The following ENTHD1 variants were observed in gnomAD, a reference collection of about 807,000 sequenced individuals.
ENTHD1 encodes the protein ENTH domain containing 1, also known as ENTH domain-containing protein 1.
A neutral mutation model predicts 39.1 loss-of-function variants in ENTHD1; 23 were observed. The observed-to-expected ratio is 0.59, with a 90% confidence interval of 0.42 to 0.83. The LOEUF is 0.83. Ranked by LOEUF, ENTHD1 falls within the 40% of genes least tolerant of loss-of-function variation. The pLI, the probability that ENTHD1 is intolerant of heterozygous loss-of-function variation, is 0.00. For synonymous variants in ENTHD1, 230 were observed against 258.2 expected, an observed-to-expected ratio of 0.89 and a Z score of 1.05; for missense variants, 624 against 705.4, an observed-to-expected ratio of 0.88 and a Z score of 1.31.
intron 2 of ENTHD1, among the ~76,000 whole-genome samples, chr22:39,886,230 AG>A (rs1165232958): frequency 6.6e-6 from 1 of 152,194 alleles, no homozygotes; most frequent in Non-Finnish European, 1.5e-5. Context: ...GATGATAAAA[AG>A]ACCAGTGGTA....
chr22:39,865,436 A>G (rs969589248), intron 2 of ENTHD1, among the ~76,000 whole-genome samples: 2 of 152,190 alleles, frequency 1.3e-5, no homozygotes, highest in African/African-American at 4.8e-5. Flanking sequence ...GAGAAAATCT[A>G]AGAAGAACGT....
chr22:39,863,335 A>G (rs2066159139), intron 2 of ENTHD1, among the ~76,000 whole-genome samples: 2 of 152,202 alleles, frequency 1.3e-5, no homozygotes, highest in African/African-American at 4.8e-5. Context: ...TCTCTGACGT[A>G]ACATCCTATC....
chr22:39,820,343 T>TGAAA (rs2065773414), intron 5 of ENTHD1, among the ~76,000 whole-genome samples: 1 of 152,180 alleles, frequency 6.6e-6, no homozygotes, highest in Admixed American at 6.5e-5. Flanking sequence ...TATAAGGTGA[T>TGAAA]GAAAGATACT....
In ENTHD1 at chr22:39,868,348, A is replaced by AT. The variant is rs1464748626; in HGVS notation, c.350-6342dup. 3.6e-5 allele frequency among the ~76,000 whole-genome samples: 5 copies of AT among 140,584 alleles called. No homozygotes were observed. In the South Asian group the frequency reaches 7.3e-4, roughly 21 times the overall value. 92.2% of individuals were successfully genotyped at this position (140,584 alleles called of 152,430 possible). ...AGGGAACTGGAGAAACCTTTATTTTATTAAAAAAAAAAAAAAAAAGGAAGG... is the reference window on the plus strand; with the variant it reads ...AGGGAACTGGAGAAACCTTTATTTTATTTAAAAAAAAAAAAAAAAAGGAAGG... On this transcript the variant is annotated intron_variant, in intron 2 of 6. Transcript: ENST00000325157.
intron 2 of ENTHD1, among the ~76,000 whole-genome samples, chr22:39,869,079 G>A (rs2066215096): frequency 6.6e-6 from 1 of 152,086 alleles, no homozygotes; most frequent in Non-Finnish European, 1.5e-5. Context: ...TCAAATAACT[G>A]AGAACTGGAT....
At position 39,743,433 on chromosome 22, in the gene ENTHD1, A is replaced by T. The variant is rs2065074648; in HGVS notation, c.*246T>A. 1 of 414,206 alleles carries T rather than the reference A, an allele frequency of 2.4e-6. No homozygotes were observed. Among genetic ancestry groups the T allele is most frequent in the African/African-American group, 2.1e-5 (1 of 48,210 alleles). The allele number at this position is 414,206 out of a possible 1,614,324, so 25.7% of individuals were successfully genotyped here. A position where few individuals can be genotyped will look rare whatever the true frequency, so the allele number is the denominator to read the frequency against. ...TGAGGTACAGAGCATGAAAGAATGAAATTCTCTTCTGTTTCAAATGAACTA... is the reference window on the plus strand; with the variant it reads ...TGAGGTACAGAGCATGAAAGAATGATATTCTCTTCTGTTTCAAATGAACTA... On this transcript the variant is annotated 3_prime_UTR_variant, in exon 7 of 7. Coordinates refer to ENST00000325157, the MANE Select transcript of ENTHD1 (RefSeq NM_152512.4).
chr22:39,798,681 C>A (rs1324372145), intron 5 of ENTHD1, among the ~76,000 whole-genome samples: 1 of 152,172 alleles, frequency 6.6e-6, no homozygotes, highest in Admixed American at 6.5e-5. Flanking sequence ...TAGAAACAGA[C>A]ACTAACGGAA....
intron 5 of ENTHD1, among the ~76,000 whole-genome samples, chr22:39,770,625 A>T (rs2065313704): frequency 6.6e-6 from 1 of 152,152 alleles, no homozygotes. Flanking sequence ...AACACATAAA[A>T]ATAACTAATA....
intron 6 of ENTHD1, chr22:39,750,864 C>T: frequency 6.2e-6 from 1 of 161,082 alleles, no homozygotes. Context: ...CAACTAGGAT[C>T]TAATAATATT....
intron 6 of ENTHD1, among the ~76,000 whole-genome samples, chr22:39,764,076 C>T (rs954766853): frequency 1.3e-5 from 2 of 152,198 alleles, no homozygotes; most frequent in Non-Finnish European, 2.9e-5. Flanking sequence ...ATTGACCTTA[C>T]TAATACCAAT....
rs186595467 is a variant in ENTHD1 at position 39,826,633 on chromosome 22, C to T, written c.712-5520G>A. ...CGCTTTAGCTGTATTTCACATATTG[C>T]TAATATTGAGTGAACCTTAATGTAA... On this transcript the variant is annotated intron_variant, in intron 4 of 6. Transcript: ENST00000325157. Among the ~76,000 whole-genome samples the T allele has an allele frequency of 7.2e-5, 11 of 152,152 alleles. No individual in the cohort carries two copies. The East Asian group carries it at 1.9e-3, about 27-fold the overall frequency.
At position 39,744,118 on chromosome 22, in the gene ENTHD1, T is replaced by G. The variant is rs149999735; in HGVS notation, c.1385A>C (p.Glu462Ala). 3.6e-5 allele frequency: 58 copies of G among 1,614,140 alleles called. 1 individual carries two copies. In the African/African-American group the frequency reaches 5.5e-4, roughly 15 times the overall value. The stretch of plus-strand genomic sequence containing the variant: ...GTGATGCAGCTTGGCTGTCTTATCT[T>G]CATCTTTAAAGGAGGTAGAAGACAA... ...QQLSSTSFKD[E>A]DKTAKLHHSF... The change falls in exon 7 of 7, where the codon GAA (glutamate) becomes GCA (alanine). Residue 462 changes from glutamate (E) to alanine (A), a missense_variant. Transcript: ENST00000325157.
intron 4 of ENTHD1, among the ~76,000 whole-genome samples, chr22:39,822,784 A>C (rs1387725490): frequency 6.6e-6 from 1 of 152,222 alleles, no homozygotes; most frequent in East Asian, 1.9e-4. Context: ...TTTCAACTTC[A>C]TTAGAAACTG....
At chr22:39,864,141 C>A (rs1228037467) in intron 2 of ENTHD1, among the ~76,000 whole-genome samples, 1 of 152,208 alleles carries the variant, frequency 6.6e-6, no homozygotes, top group East Asian at 1.9e-4. Context: ...AGACACTTAT[C>A]TTTCCCCTGA....
chr22:39,783,634 A>AC (rs1248558098), intron 5 of ENTHD1, among the ~76,000 whole-genome samples: 2 of 149,566 alleles, frequency 1.3e-5, no homozygotes, highest in Non-Finnish European at 3.0e-5. Context: ...AAAGGTGCCA[A>AC]GACACACAAT....
At chr22:39,831,750 C>G (rs1238333236) in intron 4 of ENTHD1, among the ~76,000 whole-genome samples, 1 of 152,010 alleles carries the variant, frequency 6.6e-6, no homozygotes, top group Non-Finnish European at 1.5e-5. Flanking sequence ...CGCTTGAACC[C>G]CAGAGGCGGA....
chr22:39,808,579 C>T (rs1341921083), intron 5 of ENTHD1, among the ~76,000 whole-genome samples: 1 of 152,176 alleles, frequency 6.6e-6, no homozygotes, highest in East Asian at 1.9e-4. Context: ...CTTCGTTCTC[C>T]TAATTTGAAC....
chr22:39,786,438 G>A lies in ENTHD1; in HGVS notation c.833-20829C>T, dbSNP rs145640170. Among the ~76,000 whole-genome samples the A allele has an allele frequency of 2.3e-3, 354 of 152,070 alleles. 1 individual carries two copies. Among genetic ancestry groups the A allele is most frequent in the African/African-American group, 8.4e-3 (347 of 41,496 alleles). ...TATTACAATACATTTTTACTTTCAAGTGCAGAGTGGCTGACGTGGAATGGG... is the reference window on the plus strand; with the variant it reads ...TATTACAATACATTTTTACTTTCAAATGCAGAGTGGCTGACGTGGAATGGG... On this transcript the variant is annotated intron_variant, in intron 5 of 6. Transcript: ENST00000325157.
intron 5 of ENTHD1, among the ~76,000 whole-genome samples, chr22:39,785,673 C>T (rs2065451001): frequency 6.6e-6 from 1 of 152,180 alleles, no homozygotes; most frequent in Non-Finnish European, 1.5e-5. Context: ...GGCCCCTAAC[C>T]TCCCAGTCCC....
Sources: gnomAD v4.1 joint callset for allele counts (sites outside exome capture counted in the v4.1 genomes callset) on GRCh38, gnomAD v4.1.1 for gene constraint, MANE v1.5 for transcripts, NCBI Gene and HGNC (gene_info 2026-07-23, HGNC 2026-07-21) for gene names.